The following SULT1C2 variants were observed in gnomAD, a reference collection of about 807,000 sequenced individuals.
The protein encoded by SULT1C2 is sulfotransferase family 1C member 2.
Under a neutral mutation model 36.0 loss-of-function variants are expected in SULT1C2, and 27 were observed. The observed-to-expected ratio is 0.75, with a 90% CI of 0.55 to 1.03. The LOEUF (loss-of-function observed/expected upper bound fraction) is 1.03. SULT1C2 is among the 50% of genes least tolerant of loss of function. SULT1C2 has a pLI of 0.00. For synonymous variants in SULT1C2, 121 were observed against 116.0 expected (o/e 1.04, Z -0.27); for missense variants, 395 against 359.2 (o/e 1.10, Z -0.80).
intron 2 of SULT1C2, 117 bp from the exon 3 acceptor site, chr2:108,294,112 C>T (rs1676663812): frequency 2.0e-6 from 3 of 1,518,966 alleles, no homozygotes; most frequent in Admixed American, 4.0e-5. Context: ...AGGATTCTGA[C>T]CCAAGGGGAG....
Position 108,308,573 on chromosome 2 carries a change from A to G in SULT1C2, c.*109A>G, listed in dbSNP as rs1355996846. 8 of 840,662 alleles carry G rather than the reference A, an allele frequency of 9.5e-6. No homozygotes were observed. The highest frequency in any genetic ancestry group is 5.3e-4 in the Middle Eastern group (2 of 3,752). 52.1% of individuals were successfully genotyped at this position (840,662 alleles called of 1,614,324 possible). ...TGAAAGCATATTGTGAATGTATACA[A>G]TGTAGTACAAACAATCTCTGTGATG... On this transcript the variant is annotated 3_prime_UTR_variant, in exon 8 of 8. Transcript: ENST00000251481.
At chr2:108,291,349 G>A (rs945200346) in intron 1 of SULT1C2, among the ~76,000 whole-genome samples, 4 of 152,074 alleles carry the variant, frequency 2.6e-5, no homozygotes, top group East Asian at 3.9e-4. Context: ...TAGACCCACC[G>A]GGATAATACA....
intron 3 of SULT1C2, among the ~76,000 whole-genome samples, chr2:108,295,423 C>G (rs1676700279): frequency 6.6e-6 from 1 of 152,234 alleles, no homozygotes; most frequent in South Asian, 2.1e-4. Flanking sequence ...ACTCCATGTG[C>G]CATGAGGACC....
intron 3 of SULT1C2, among the ~76,000 whole-genome samples, chr2:108,295,225 T>G (rs1044124721): frequency 1.3e-5 from 2 of 152,202 alleles, no homozygotes; most frequent in African/African-American, 4.8e-5. Context: ...CTTAAAGGAT[T>G]TTGCTTTCCC....
intron 3 of SULT1C2, 97 bp downstream of exon 3, chr2:108,294,451 T>C: frequency 7.2e-7 from 1 of 1,398,318 alleles, no homozygotes; most frequent in Admixed American, 2.2e-5. Flanking sequence ...CTCTCCTCTC[T>C]CTCTCCCCCA....
At chr2:108,291,694 G>T (rs1054868875) in intron 1 of SULT1C2, among the ~76,000 whole-genome samples, 4 of 152,130 alleles carry the variant, frequency 2.6e-5, no homozygotes, top group African/African-American at 4.8e-5. Context: ...GTTATTGATC[G>T]TGTGACTCTC....
intron 1 of SULT1C2, among the ~76,000 whole-genome samples, chr2:108,292,599 A>T (rs887491632): frequency 6.6e-6 from 1 of 152,216 alleles, no homozygotes; most frequent in Non-Finnish European, 1.5e-5. Flanking sequence ...AAAACCAAAA[A>T]AACAAACAAA....
Position 108,305,178 on chromosome 2 carries a change from G to T in SULT1C2, c.509G>T (p.Trp170Leu), listed in dbSNP as rs771650127. The T allele has an allele frequency of 3.1e-6, 5 of 1,614,134 alleles. No individual in the cohort carries two copies. The Admixed American group carries it at 8.3e-5, about 27-fold the overall frequency. Reference sequence around the variant, plus strand: ...TTTCCTGTGTCTATTTCAGTGGTTTGGGGTTCCTGGTTTGACCACGTGAAA... The same window carrying T: ...TTTCCTGTGTCTATTTCAGTGGTTTTGGGTTCCTGGTTTGACCACGTGAAA... Reference protein sequence around the residue: ...FETFINGKVVWGSWFDHVKGW... With the variant: ...FETFINGKVVLGSWFDHVKGW... The change falls in exon 6 of 8, where the codon TGG (tryptophan) becomes TTG (leucine). Residue 170 changes from tryptophan (W) to leucine (L), a missense_variant. By Grantham distance (61) the Trp-to-Leu change is moderately conservative. Transcript: ENST00000251481.
chr2:108,304,487 A>G, intron 4 of SULT1C2, 87 bp from the exon 5 acceptor site: 1 of 1,462,470 alleles, frequency 6.8e-7, no homozygotes. Flanking sequence ...AGTGCACAGC[A>G]ACCCTCAGGA....
chr2:108,301,205 G>A, intron 4 of SULT1C2: 1 of 389,494 alleles, frequency 2.6e-6, no homozygotes, highest in East Asian at 4.3e-5. Flanking sequence ...GCTGTGAAAT[G>A]AAGGGGAGAA....
chr2:108,290,830 C>T (rs2104409983), intron 1 of SULT1C2, among the ~76,000 whole-genome samples: 1 of 152,330 alleles, frequency 6.6e-6, no homozygotes, highest in East Asian at 1.9e-4. Flanking sequence ...ATCCAAACCA[C>T]AGCAGTATCC....
At chr2:108,295,454 GTCT>G (rs1483831331) in intron 3 of SULT1C2, among the ~76,000 whole-genome samples, 1 of 152,198 alleles carries the variant, frequency 6.6e-6, no homozygotes, top group Non-Finnish European at 1.5e-5. Flanking sequence ...TGTGTGTCTG[GTCT>G]TCTGCTCCTT....
At chr2:108,297,858 A>T (rs983454230) in intron 3 of SULT1C2, among the ~76,000 whole-genome samples, 1 of 152,196 alleles carries the variant, frequency 6.6e-6, no homozygotes, top group Non-Finnish European at 1.5e-5. Flanking sequence ...GAGCCCACCA[A>T]CAGGGCTGGA....
rs1677084218 is a variant in SULT1C2, at chr2:108,308,772, C to T, written c.*308C>T. ...ATTATTCTGGAAAGTGCATCCTAGT[C>T]TCCCAGTCTATAACATCATAATACC... On this transcript the variant is annotated 3_prime_UTR_variant, in exon 8 of 8. Transcript: ENST00000251481. 1 of 260,292 alleles carries T rather than the reference C, an allele frequency of 3.8e-6. No individual in the cohort carries two copies. Among genetic ancestry groups the T allele is most frequent in the African/African-American group, 2.2e-5 (1 of 44,990 alleles). The allele number at this position is 260,292 out of a possible 1,614,324, so 16.1% of individuals were successfully genotyped here.
chr2:108,292,965 G>A (rs1284584800), intron 1 of SULT1C2, among the ~76,000 whole-genome samples: 1 of 152,146 alleles, frequency 6.6e-6, no homozygotes, highest in Non-Finnish European at 1.5e-5. Context: ...GATCACCTGA[G>A]GTCAGGAGCT....
chr2:108,289,458 G>A (rs1676538092), intron 1 of SULT1C2, among the ~76,000 whole-genome samples: 1 of 152,188 alleles, frequency 6.6e-6, no homozygotes, highest in Admixed American at 6.5e-5. Flanking sequence ...GGCCTGCAAG[G>A]GGACTGAACC....
At chr2:108,306,227 G>A (rs901360341) in intron 7 of SULT1C2, among the ~76,000 whole-genome samples, 2 of 152,176 alleles carry the variant, frequency 1.3e-5, no homozygotes, top group African/African-American at 2.4e-5. Flanking sequence ...ATTCCCAAAG[G>A]AGGAATTCTA....
intron 1 of SULT1C2, among the ~76,000 whole-genome samples, chr2:108,292,942 G>A (rs1676628210): frequency 1.3e-5 from 2 of 152,210 alleles, no homozygotes; most frequent in African/African-American, 4.8e-5. Context: ...ACTTTGGGAA[G>A]CCAAGGTGGG....
chr2:108,291,413 T>C (rs1676587664), intron 1 of SULT1C2, among the ~76,000 whole-genome samples: 2 of 152,292 alleles, frequency 1.3e-5, no homozygotes, highest in South Asian at 2.1e-4. Context: ...GCAAAGCCCT[T>C]TGCCACACAA....
Sources: gnomAD v4.1 joint callset for allele counts (sites outside exome capture counted in the v4.1 genomes callset) on GRCh38, gnomAD v4.1.1 for gene constraint, MANE v1.5 for transcripts, NCBI Gene and HGNC (gene_info 2026-07-23, HGNC 2026-07-21) for gene names.